CDH4: variants seen among roughly 807,000 people sequenced by gnomAD.
CDH4 encodes cadherin 4.
CDH4 carries 33 observed loss-of-function variants against 86.0 expected under a neutral mutation model. That is an observed-to-expected ratio of 0.38 (90% confidence interval 0.29 to 0.51). CDH4 has a LOEUF of 0.51. Among genes scored for constraint, CDH4 ranks in the 20% least tolerant of loss-of-function variants. The pLI is 0.86. For synonymous variants in CDH4, 555 were observed against 549.4 expected (o/e 1.01, Z -0.14); for missense variants, 1,114 against 1,307.4 (o/e 0.85, Z 2.28).
chr20:61,856,458 C>T lies in CDH4; in HGVS notation c.877+3560C>T, dbSNP rs544281180. Among the ~76,000 whole-genome samples, 167 of 148,468 alleles carry T rather than the reference C, an allele frequency of 1.1e-3. 1 individual carries two copies. Among genetic ancestry groups the T allele is most frequent in the African/African-American group, 3.9e-3 (154 of 39,204 alleles). On this transcript the variant is annotated intron_variant, in intron 6 of 15. Coordinates refer to ENST00000614565, the MANE Select transcript of CDH4 (RefSeq NM_001794.5). ...AACCACCCTGGGATCCACGAGAATCCTTCATGCACCCCACACTCTTCCCCA... is the reference window on the plus strand; with the variant it reads ...AACCACCCTGGGATCCACGAGAATCTTTCATGCACCCCACACTCTTCCCCA...
intron 2 of CDH4, among the ~76,000 whole-genome samples, chr20:61,715,174 C>A (rs2087939678): frequency 1.3e-5 from 2 of 152,138 alleles, no homozygotes; most frequent in Admixed American, 6.5e-5. Flanking sequence ...GCTGAGCATT[C>A]TTTCCTATAT....
chr20:61,311,845 G>C (rs1051774834), intron 2 of CDH4, among the ~76,000 whole-genome samples: 5 of 152,274 alleles, frequency 3.3e-5, no homozygotes, highest in Non-Finnish European at 7.3e-5. Context: ...TGTGTGGGAC[G>C]CGCCAGGGCG....
chr20:61,647,967 T>C (rs1411330408), intron 2 of CDH4, among the ~76,000 whole-genome samples: 1 of 152,070 alleles, frequency 6.6e-6, no homozygotes, highest in Non-Finnish European at 1.5e-5. Flanking sequence ...GAGTGGGGGA[T>C]GGACACAGGT....
At chr20:61,465,617 T>A (rs895113207) in intron 2 of CDH4, among the ~76,000 whole-genome samples, 6 of 151,770 alleles carry the variant, frequency 4.0e-5, no homozygotes, top group African/African-American at 1.2e-4. Flanking sequence ...GGTGGACATA[T>A]GTTTGAACTG....
chr20:61,461,367 A>G (rs999981165), intron 2 of CDH4, among the ~76,000 whole-genome samples: 1 of 152,196 alleles, frequency 6.6e-6, no homozygotes, highest in Non-Finnish European at 1.5e-5. Context: ...GAACTGCATT[A>G]GTTCACTGAA....
At chr20:61,504,169 C>T (rs2085724014) in intron 2 of CDH4, among the ~76,000 whole-genome samples, 1 of 152,238 alleles carries the variant, frequency 6.6e-6, no homozygotes, top group African/African-American at 2.4e-5. Flanking sequence ...GCAGGTAGTA[C>T]TGAAGACTGG....
intron 1 of CDH4, among the ~76,000 whole-genome samples, chr20:61,253,258 G>A (rs1043902220): frequency 6.0e-5 from 9 of 151,094 alleles, no homozygotes; most frequent in African/African-American, 1.5e-4. Flanking sequence ...GCCGGACGCC[G>A]GGCGGGCGCG....
At chr20:61,744,446 GA>G (rs2088385755) in intron 3 of CDH4, among the ~76,000 whole-genome samples, 1 of 61,446 alleles carries the variant, frequency 1.6e-5, no homozygotes, top group Non-Finnish European at 3.1e-5. Context: ...GAGAGGAAGA[GA>G]GGGAGAGAGA....
At chr20:61,665,031 T>C (rs2087307113) in intron 2 of CDH4, among the ~76,000 whole-genome samples, 1 of 152,154 alleles carries the variant, frequency 6.6e-6, no homozygotes, top group South Asian at 2.1e-4. Context: ...TAAATGAAAA[T>C]CTCTAGCTGC....
At chr20:61,260,947 C>T (rs1156473630) in intron 2 of CDH4, among the ~76,000 whole-genome samples, 3 of 152,214 alleles carry the variant, frequency 2.0e-5, no homozygotes, top group Non-Finnish European at 2.9e-5. Flanking sequence ...CATGGTGCAT[C>T]ATCTGCAGGC....
chr20:61,295,317 A>G (rs2427043), intron 2 of CDH4, among the ~76,000 whole-genome samples: 119,410 of 152,046 alleles, frequency 0.79, 48,317 homozygotes, highest in Non-Finnish European at 0.88. Context: ...AACACTGACC[A>G]TGCGGTATTG....
chr20:61,451,129 C>T (rs78510540), intron 2 of CDH4, among the ~76,000 whole-genome samples: 3 of 149,646 alleles, frequency 2.0e-5, no homozygotes, highest in Admixed American at 1.3e-4. Context: ...CACGCCCCCC[C>T]CCTTCCCTCC....
intron 2 of CDH4, among the ~76,000 whole-genome samples, chr20:61,673,850 A>G (rs891725105): frequency 6.6e-6 from 1 of 152,256 alleles, no homozygotes; most frequent in Non-Finnish European, 1.5e-5. Context: ...TCTAGACAAT[A>G]TGACAAAATG....
intron 4 of CDH4, among the ~76,000 whole-genome samples, chr20:61,788,875 A>G (rs1354404659): frequency 1.3e-5 from 2 of 152,232 alleles, no homozygotes; most frequent in Non-Finnish European, 2.9e-5. Context: ...CTTGGAAATC[A>G]ACCTGTCCAT....
chr20:61,273,646 G>T (rs572703471), intron 2 of CDH4, among the ~76,000 whole-genome samples: 1 of 145,242 alleles, frequency 6.9e-6, no homozygotes, highest in East Asian at 2.1e-4. Flanking sequence ...TTTTTTGGGG[G>T]AGTACTGTGT....
chr20:61,343,924 T>G (rs1022726781), intron 2 of CDH4, among the ~76,000 whole-genome samples: 1 of 149,228 alleles, frequency 6.7e-6, no homozygotes, highest in Non-Finnish European at 1.5e-5. Context: ...GGGCCAAGAT[T>G]AAAAAAAAAA....
At chr20:61,288,656 G>A (rs2084305526) in intron 2 of CDH4, among the ~76,000 whole-genome samples, 1 of 152,230 alleles carries the variant, frequency 6.6e-6, no homozygotes, top group Admixed American at 6.5e-5. Context: ...GCAAGGAGAG[G>A]GAGCATTACC....
At chr20:61,499,958 G>A (rs183601409) in intron 2 of CDH4, among the ~76,000 whole-genome samples, 1 of 152,316 alleles carries the variant, frequency 6.6e-6, no homozygotes, top group East Asian at 1.9e-4. Context: ...CACCCAGGAG[G>A]CACGGGCGCA....
At chr20:61,789,125 G>A (rs927677240) in intron 4 of CDH4, among the ~76,000 whole-genome samples, 5 of 152,170 alleles carry the variant, frequency 3.3e-5, no homozygotes, top group African/African-American at 1.2e-4. Flanking sequence ...GACCTCCCTG[G>A]TACCAACCCG....
Sources: gnomAD v4.1 joint callset for allele counts (sites outside exome capture counted in the v4.1 genomes callset) on GRCh38, gnomAD v4.1.1 for gene constraint, MANE v1.5 for transcripts, NCBI Gene and HGNC (gene_info 2026-07-23, HGNC 2026-07-21) for gene names.